UIMC1: variants seen among roughly 807,000 people sequenced by gnomAD.
The protein encoded by UIMC1 is BRCA1-A complex subunit RAP80.
Under a neutral mutation model 84.9 loss-of-function variants are expected in UIMC1, and 42 were observed. The observed-to-expected ratio is 0.49, with a 90% confidence interval of 0.39 to 0.64. The LOEUF (loss-of-function observed/expected upper bound fraction) is 0.64. Ranked by LOEUF, UIMC1 falls within the 30% of genes least tolerant of loss-of-function variation. UIMC1 has a pLI of 0.00. For missense variants in UIMC1, 825 were observed against 847.6 expected, an observed-to-expected ratio of 0.97 and a Z score of 0.33; for synonymous variants, 281 against 293.0, an observed-to-expected ratio of 0.96 and a Z score of 0.42.
At chr5:176,945,996 A>G (rs1765060669) in intron 9 of UIMC1, among the ~76,000 whole-genome samples, 1 of 152,186 alleles carries the variant, frequency 6.6e-6, no homozygotes, top group Admixed American at 6.5e-5. Flanking sequence ...TCTACATACA[A>G]ATGTTATGTT....
intron 1 of UIMC1, among the ~76,000 whole-genome samples, chr5:176,995,315 G>A (rs1368444122): frequency 1.3e-5 from 2 of 150,078 alleles, no homozygotes; most frequent in East Asian, 2.0e-4. Flanking sequence ...TTGGGAGGTC[G>A]AGATAGGCAG....
intron 1 of UIMC1, among the ~76,000 whole-genome samples, chr5:177,014,085 A>G (rs1351987820): frequency 1.5e-5 from 2 of 131,348 alleles, no homozygotes; most frequent in Non-Finnish European, 3.2e-5. Context: ...TTTGAGACAG[A>G]GTTTCGCTCT....
Position 176,905,131 on chromosome 5 carries a change from A to G in UIMC1, c.*151T>C. The G allele has an allele frequency of 1.4e-6, 1 of 716,642 alleles. No individual in the cohort carries two copies. The highest frequency in any genetic ancestry group is 2.3e-6 in the Non-Finnish European group (1 of 441,654). 44.4% of individuals were successfully genotyped at this position (716,642 alleles called of 1,614,324 possible). On this transcript the variant is annotated 3_prime_UTR_variant, in exon 15 of 15. Transcript: ENST00000511320. ...ACACAGTTGTCTGCATAGATCATAAAAAACATAAAAACCAGAATGCTGGGT... is the reference window on the plus strand; with the variant it reads ...ACACAGTTGTCTGCATAGATCATAAGAAACATAAAAACCAGAATGCTGGGT...
At chr5:176,918,572 T>C (rs1245367932) in intron 10 of UIMC1, among the ~76,000 whole-genome samples, 1 of 152,226 alleles carries the variant, frequency 6.6e-6, no homozygotes, top group African/African-American at 2.4e-5. Context: ...GAGCCTATCA[T>C]TAATGATGAG....
At chr5:176,954,835 A>G (rs772017761) in intron 8 of UIMC1, among the ~76,000 whole-genome samples, 18 of 152,104 alleles carry the variant, frequency 1.2e-4, no homozygotes, top group Non-Finnish European at 2.5e-4. Context: ...ATGTTTAAAA[A>G]TATTTATAGG....
chr5:176,972,715 G>A (rs1038948872), intron 3 of UIMC1, among the ~76,000 whole-genome samples: 12 of 151,932 alleles, frequency 7.9e-5, no homozygotes, highest in African/African-American at 2.7e-4. Flanking sequence ...TAACCTGGGC[G>A]ACAGAACAAG....
Position 176,933,083 on chromosome 5 carries a change from G to A in UIMC1, c.1597+10252C>T, listed in dbSNP as rs527954723. On this transcript the variant is annotated intron_variant, in intron 10 of 14. Transcript: ENST00000511320. ...GCTTTGGCAGTGTTCACACAAGAAG[G>A]GGGCTGCTGGCCCAGGCTGCATAAA... is the stretch of plus-strand genomic sequence containing the variant. Among the ~76,000 whole-genome samples, 5 of 152,204 alleles carry A rather than the reference G, an allele frequency of 3.3e-5. No individual in the cohort carries two copies. In the South Asian group the frequency reaches 1.0e-3, roughly 32 times the overall value.
Position 176,966,692 on chromosome 5 carries a change from G to A in UIMC1, c.1200+1863C>T, listed in dbSNP as rs557963056. ...CTACTTCAGAAAAAGCAAACTAAAT[G>A]TACCAAGATGAAGATTGGTTTCAAT... On this transcript the variant is annotated intron_variant, in intron 6 of 14. Transcript: ENST00000511320. 2.8e-4 allele frequency among the ~76,000 whole-genome samples: 42 copies of A among 152,162 alleles called. No individual in the cohort carries two copies. In the Middle Eastern group the frequency reaches 0.024, roughly 86 times the overall value.
At chr5:176,971,436 T>C (rs1769180362) in intron 3 of UIMC1, among the ~76,000 whole-genome samples, 1 of 152,172 alleles carries the variant, frequency 6.6e-6, no homozygotes, top group African/African-American at 2.4e-5. Flanking sequence ...CTAGAATATT[T>C]GTCACTGTAT....
chr5:176,965,924 T>C (rs1244526636), intron 6 of UIMC1, among the ~76,000 whole-genome samples: 1 of 152,232 alleles, frequency 6.6e-6, no homozygotes, highest in Non-Finnish European at 1.5e-5. Flanking sequence ...GGAGTTAATG[T>C]ATTATTTTAA....
At chr5:176,993,734 G>A (rs1018091477) in intron 1 of UIMC1, among the ~76,000 whole-genome samples, 16 of 151,990 alleles carry the variant, frequency 1.1e-4, no homozygotes, top group East Asian at 5.8e-4. Context: ...TCTGCCAGGC[G>A]CGGTGGCTCA....
intron 3 of UIMC1, among the ~76,000 whole-genome samples, chr5:176,972,992 T>C (rs1236756210): frequency 6.6e-6 from 1 of 151,232 alleles, no homozygotes; most frequent in East Asian, 2.0e-4. Context: ...CTCAGCTCAC[T>C]GCAACCTCTG....
chr5:176,914,808 T>C (rs572246937), intron 10 of UIMC1, among the ~76,000 whole-genome samples: 1 of 152,310 alleles, frequency 6.6e-6, no homozygotes, highest in East Asian at 1.9e-4. Flanking sequence ...AGAGATTTTA[T>C]AAGTAAAATT....
intron 1 of UIMC1, among the ~76,000 whole-genome samples, chr5:177,012,208 CACATAAAGT>C (rs1775565233): frequency 6.6e-6 from 1 of 152,132 alleles, no homozygotes; most frequent in Admixed American, 6.6e-5. Flanking sequence ...TGTTATGTCC[CACATAAAGT>C]TAAAACCCAG....
At chr5:176,997,064 T>C (rs981581819) in intron 1 of UIMC1, among the ~76,000 whole-genome samples, 13 of 152,236 alleles carry the variant, frequency 8.5e-5, no homozygotes, top group Admixed American at 6.5e-4. Context: ...TTGAGAGCCC[T>C]GAGAAAAGAG....
intron 2 of UIMC1, among the ~76,000 whole-genome samples, chr5:176,977,192 C>T (rs566792057): frequency 1.4e-5 from 2 of 138,316 alleles, no homozygotes; most frequent in African/African-American, 5.6e-5. Flanking sequence ...CACTGCTCTA[C>T]AGCCTGGGGC....
chr5:176,915,793 C>CAAAAAAAAAAAAAA (rs58297107), intron 10 of UIMC1, among the ~76,000 whole-genome samples: 37 of 42,538 alleles, frequency 8.7e-4, no homozygotes, highest in Non-Finnish European at 1.1e-3. Context: ...GGTCACAAAG[C>CAAAAAAAAAAAAAA]AAAAAAAAAA....
chr5:176,973,835 A>G (rs1352794790), intron 3 of UIMC1, among the ~76,000 whole-genome samples: 1 of 152,030 alleles, frequency 6.6e-6, no homozygotes, highest in East Asian at 1.9e-4. Context: ...CCCAGGAGGC[A>G]GAGGTTGTAG....
intron 1 of UIMC1, chr5:177,006,337 C>T (rs369962922): frequency 6.6e-6 from 1 of 152,318 alleles, no homozygotes; most frequent in South Asian, 2.1e-4. Context: ...AACCCGGCAC[C>T]AGTAATGGCC....
Sources: allele counts gnomAD v4.1 joint callset (sites outside exome capture counted in the v4.1 genomes callset), GRCh38; gene constraint gnomAD v4.1.1; transcripts MANE v1.5; gene names NCBI Gene and HGNC (gene_info 2026-07-23, HGNC 2026-07-21).